LINGO2: variants seen among roughly 807,000 people sequenced by gnomAD.
LINGO2 encodes the protein leucine-rich repeat and immunoglobulin-like domain-containing nogo receptor-interacting protein 2.
A neutral mutation model predicts 30.6 loss-of-function variants in LINGO2; 14 were observed. That is an observed-to-expected ratio of 0.46 (90% CI 0.30 to 0.72). The LOEUF (loss-of-function observed/expected upper bound fraction) is 0.72. LINGO2 is among the 30% of genes least tolerant of loss of function. The probability of loss-of-function intolerance (pLI) is 0.07; values close to 1 mark genes in which losing one functional copy is unlikely to be tolerated. For missense variants in LINGO2, 729 were observed against 751.7 expected (o/e 0.97, Z 0.35); for synonymous variants, 317 against 288.5 (o/e 1.10, Z -1.00).
At chr9:29,145,135 C>G in the LINGO2 span, among the ~76,000 whole-genome samples, 3 of 152,132 alleles carry the variant, frequency 2.0e-5, no homozygotes, top group Non-Finnish European at 4.4e-5. Flanking sequence ...AATTGAAGCT[C>G]TAGCAGCTGT....
intron 1 of LINGO2, among the ~76,000 whole-genome samples, chr9:28,661,415 G>A (rs1828579943): frequency 6.6e-6 from 1 of 152,012 alleles, no homozygotes; most frequent in South Asian, 2.1e-4. Flanking sequence ...ACTGAATCTA[G>A]GATCATCAAA....
intron 1 of LINGO2, among the ~76,000 whole-genome samples, chr9:28,613,269 T>C (rs1458913369): frequency 3.3e-5 from 5 of 152,086 alleles, no homozygotes; most frequent in Admixed American, 1.3e-4. Flanking sequence ...TAAATATGTA[T>C]CATATATAAT....
At chr9:29,113,444 C>G in the LINGO2 span, among the ~76,000 whole-genome samples, 3 of 152,036 alleles carry the variant, frequency 2.0e-5, no homozygotes, top group Admixed American at 1.3e-4. Flanking sequence ...CCAGCAGGAG[C>G]AGACCATCCA....
chr9:29,000,720 CTCTACAGA>C, the LINGO2 span, among the ~76,000 whole-genome samples: 1 of 151,842 alleles, frequency 6.6e-6, no homozygotes, highest in Non-Finnish European at 1.5e-5. Context: ...AAAAAATTAT[CTCTACAGA>C]TACTTTGTTC....
At chr9:28,371,589 A>G (rs1820898627) in intron 3 of LINGO2, among the ~76,000 whole-genome samples, 1 of 152,182 alleles carries the variant, frequency 6.6e-6, no homozygotes, top group Admixed American at 6.5e-5. Context: ...ACTTCAGCAG[A>G]GTAATTTTGA....
At chr9:28,949,698 C>T in the LINGO2 span, among the ~76,000 whole-genome samples, 1 of 152,094 alleles carries the variant, frequency 6.6e-6, no homozygotes, top group Non-Finnish European at 1.5e-5. Context: ...GGAGCTGGTA[C>T]CATTCCTTCT....
At chr9:29,052,863 T>C in the LINGO2 span, among the ~76,000 whole-genome samples, 1 of 152,162 alleles carries the variant, frequency 6.6e-6, no homozygotes, top group African/African-American at 2.4e-5. Flanking sequence ...ACAGTATCAT[T>C]AGTAATTAGA....
At chr9:29,028,470 G>C in the LINGO2 span, among the ~76,000 whole-genome samples, 35 of 151,440 alleles carry the variant, frequency 2.3e-4, no homozygotes, top group South Asian at 6.1e-3. Flanking sequence ...CAGAGAGAGA[G>C]AGAGAAACTG....
the LINGO2 span, among the ~76,000 whole-genome samples, chr9:28,787,238 CAAT>C: frequency 6.6e-6 from 1 of 152,126 alleles, no homozygotes; most frequent in East Asian, 1.9e-4. Context: ...CGGAGCTTAA[CAAT>C]AATACAGTAT....
the LINGO2 span, among the ~76,000 whole-genome samples, chr9:29,032,104 C>T: frequency 0.041 from 6,280 of 152,216 alleles, 199 homozygotes; most frequent in Admixed American, 0.082. Flanking sequence ...AGTGCATAAA[C>T]TTCATACGTT....
In LINGO2 at chr9:28,641,486, C is replaced by T. The variant is rs149188101; in HGVS notation, c.-365+28714G>A. On this transcript the variant is annotated intron_variant, in intron 1 of 5. Coordinates refer to ENST00000379992, the Ensembl canonical transcript of LINGO2. Reference sequence around the variant, plus strand: ...AGTGAAAGGAAACATTCACATAGCCCAATATACCATTGCTGTAGCTGAATG... The same window carrying T: ...AGTGAAAGGAAACATTCACATAGCCTAATATACCATTGCTGTAGCTGAATG... Among the ~76,000 whole-genome samples, 528 of 152,240 alleles carry T rather than the reference C, an allele frequency of 3.5e-3. 6 individuals carry two copies. The highest frequency in any genetic ancestry group is 0.012 in the African/African-American group (511 of 41,536).
At chr9:28,451,123 T>TA (rs1326863161) in intron 2 of LINGO2, among the ~76,000 whole-genome samples, 2 of 151,932 alleles carry the variant, frequency 1.3e-5, no homozygotes, top group African/African-American at 4.8e-5. Context: ...TCCATATAAC[T>TA]AACCAATAGG....
chr9:28,193,901 A>AG (rs1290861686), intron 4 of LINGO2, among the ~76,000 whole-genome samples: 1 of 152,190 alleles, frequency 6.6e-6, no homozygotes, highest in African/African-American at 2.4e-5. Context: ...TCCTTTACAG[A>AG]GGGACAGTCT....
the LINGO2 span, among the ~76,000 whole-genome samples, chr9:28,704,771 A>G: frequency 2.6e-5 from 4 of 152,004 alleles, no homozygotes; most frequent in East Asian, 1.9e-4. Context: ...TAGAATTTCA[A>G]TCTCTCTGCT....
At chr9:28,913,578 G>A in the LINGO2 span, among the ~76,000 whole-genome samples, 1 of 152,088 alleles carries the variant, frequency 6.6e-6, no homozygotes, top group Admixed American at 6.5e-5. Flanking sequence ...TATAAAGAAC[G>A]CTTTAAAATA....
intron 1 of LINGO2, among the ~76,000 whole-genome samples, chr9:28,583,355 GA>G (rs1159447232): frequency 6.6e-6 from 1 of 151,734 alleles, no homozygotes; most frequent in Non-Finnish European, 1.5e-5. Context: ...TTTTTTAAAT[GA>G]AAAAGTTCCA....
the LINGO2 span, among the ~76,000 whole-genome samples, chr9:28,981,243 C>G: frequency 6.6e-6 from 1 of 152,066 alleles, no homozygotes; most frequent in Non-Finnish European, 1.5e-5. Flanking sequence ...TATGAAGAAT[C>G]TGGGATCAGT....
chr9:28,731,060 G>A, the LINGO2 span, among the ~76,000 whole-genome samples: 2 of 151,488 alleles, frequency 1.3e-5, no homozygotes, highest in African/African-American at 2.4e-5. Flanking sequence ...GCACGATTTC[G>A]GCTCACCACA....
At chr9:28,766,776 AAG>A in the LINGO2 span, among the ~76,000 whole-genome samples, 1 of 146,086 alleles carries the variant, frequency 6.8e-6, no homozygotes, top group East Asian at 2.0e-4. Flanking sequence ...GAGGGAGGGA[AAG>A]AGAGAGAGAG....
Sources: gnomAD v4.1 joint callset for allele counts (sites outside exome capture counted in the v4.1 genomes callset) on GRCh38, gnomAD v4.1.1 for gene constraint, MANE v1.5 for transcripts, NCBI Gene and HGNC (gene_info 2026-07-23, HGNC 2026-07-21) for gene names.